Variants in FBXL17 observed in about 807,000 individuals in gnomAD.
FBXL17 encodes the protein F-box and leucine rich repeat protein 17.
A neutral mutation model predicts 66.2 loss-of-function variants in FBXL17; 22 were observed. The ratio of observed to expected loss-of-function variants is 0.33; its 90% CI spans 0.24 to 0.47. The LOEUF (loss-of-function observed/expected upper bound fraction) is 0.47. Ranked by LOEUF, FBXL17 falls within the 20% of genes least tolerant of loss-of-function variation. The pLI, the probability that FBXL17 is intolerant of heterozygous loss-of-function variation, is 1.00. For synonymous variants in FBXL17, 474 were observed against 400.5 expected (o/e 1.18, Z -2.19); for missense variants, 878 against 948.2 (o/e 0.93, Z 0.97).
chr5:107,910,621 T>C (rs1749919364), intron 7 of FBXL17, among the ~76,000 whole-genome samples: 1 of 152,136 alleles, frequency 6.6e-6, no homozygotes, highest in African/African-American at 2.4e-5. Context: ...ATGATCAGGA[T>C]TTCCAAAGGA....
intron 7 of FBXL17, among the ~76,000 whole-genome samples, chr5:107,969,509 T>A (rs1293345256): frequency 1.3e-5 from 2 of 152,152 alleles, no homozygotes; most frequent in Non-Finnish European, 2.9e-5. Context: ...GAAGTTGAAA[T>A]CCCAAAATTA....
chr5:108,186,369 G>C (rs1488319952), intron 5 of FBXL17, 122 bp from the exon 6 acceptor site: 2 of 707,618 alleles, frequency 2.8e-6, no homozygotes, highest in East Asian at 5.6e-5. Context: ...AGATAGGCTA[G>C]AATCTTTTAA....
Position 108,163,074 on chromosome 5 carries a change from A to G in FBXL17, c.1745+23043T>C, listed in dbSNP as rs1209815847. Among the ~76,000 whole-genome samples the G allele has an allele frequency of 2.6e-5, 4 of 152,328 alleles. No individual in the cohort carries two copies. In the East Asian group the frequency reaches 7.7e-4, roughly 29 times the overall value. On this transcript the variant is annotated intron_variant, in intron 6 of 8. Transcript: ENST00000542267. ...CTACATCAGAAAAAAGTCATCTAGT[A>G]CCATTATGATTCAGAGCATAAATTT...
At chr5:108,076,884 C>G (rs866705802) in intron 6 of FBXL17, among the ~76,000 whole-genome samples, 2 of 152,132 alleles carry the variant, frequency 1.3e-5, no homozygotes, top group Non-Finnish European at 1.5e-5. Context: ...ACTGGAATGG[C>G]ACATATTCAA....
At chr5:108,057,048 A>G (rs1230447454) in intron 6 of FBXL17, among the ~76,000 whole-genome samples, 3 of 152,116 alleles carry the variant, frequency 2.0e-5, no homozygotes, top group South Asian at 2.1e-4. Flanking sequence ...AAAAGCATCC[A>G]AAAGCATTTT....
At chr5:108,279,553 GAAAA>G (rs74272808) in intron 4 of FBXL17, among the ~76,000 whole-genome samples, 32 of 138,004 alleles carry the variant, frequency 2.3e-4, no homozygotes, top group African/African-American at 8.0e-4. Flanking sequence ...ACATCTTCAG[GAAAA>G]AAAAAAAAAG....
intron 4 of FBXL17, among the ~76,000 whole-genome samples, chr5:108,306,745 C>G (rs1758859979): frequency 6.6e-6 from 1 of 151,922 alleles, no homozygotes; most frequent in African/African-American, 2.4e-5. Context: ...CCACAGAACA[C>G]AGAGTCATAT....
intron 7 of FBXL17, among the ~76,000 whole-genome samples, chr5:107,988,808 C>T (rs1753118103): frequency 1.3e-5 from 2 of 152,024 alleles, no homozygotes; most frequent in African/African-American, 4.8e-5. Flanking sequence ...ATGCAAGTAA[C>T]TGCCCACGCT....
At chr5:108,006,061 G>C (rs995438227) in intron 7 of FBXL17, among the ~76,000 whole-genome samples, 2 of 152,214 alleles carry the variant, frequency 1.3e-5, no homozygotes, top group South Asian at 2.1e-4. Flanking sequence ...GCCAAGGGTG[G>C]CCTATGGTGG....
At chr5:108,339,958 A>G (rs1011334422) in intron 4 of FBXL17, among the ~76,000 whole-genome samples, 4 of 152,166 alleles carry the variant, frequency 2.6e-5, no homozygotes, top group Non-Finnish European at 4.4e-5. Context: ...CTGGGTAAAA[A>G]ATAATGCATT....
At chr5:107,917,989 T>A (rs1248770990) in intron 7 of FBXL17, among the ~76,000 whole-genome samples, 1 of 152,218 alleles carries the variant, frequency 6.6e-6, no homozygotes, top group African/African-American at 2.4e-5. Flanking sequence ...TATTACAGAA[T>A]CAGGACAGAA....
chr5:108,301,936 T>C (rs1425099037), intron 4 of FBXL17: 2 of 622,650 alleles, frequency 3.2e-6, no homozygotes, highest in Non-Finnish European at 4.0e-6. Flanking sequence ...GAGATATATG[T>C]ATTGATAAGC....
intron 3 of FBXL17, among the ~76,000 whole-genome samples, chr5:108,352,398 C>T (rs1747709504): frequency 6.6e-6 from 1 of 152,224 alleles, no homozygotes; most frequent in Admixed American, 6.5e-5. Flanking sequence ...CACAGAAAAA[C>T]ATTCAGAGGG....
chr5:108,162,791 A>G (rs1044945313), intron 6 of FBXL17, among the ~76,000 whole-genome samples: 4 of 152,160 alleles, frequency 2.6e-5, no homozygotes, highest in Admixed American at 2.6e-4. Flanking sequence ...TAATATATAT[A>G]TAACATTTGG....
chr5:108,381,978 G>C lies in FBXL17; in HGVS notation c.-287C>G. 8.2e-7 allele frequency: 1 copy of C among 1,216,692 alleles called. No individual in the cohort carries two copies. The highest frequency in any genetic ancestry group is 1.0e-6 in the Non-Finnish European group (1 of 975,542). 75.4% of individuals were successfully genotyped at this position (1,216,692 alleles called of 1,614,324 possible). A position where few individuals can be genotyped will look rare whatever the true frequency, so the allele number is the denominator to read the frequency against. On this transcript the variant is annotated 5_prime_UTR_variant, in exon 1 of 9. Coordinates refer to ENST00000542267, the MANE Select transcript of FBXL17 (RefSeq NM_001163315.3). ...GGGAGCGAGCGAGCCTGCCGGCTAG[G>C]CGACCAGTCCGGGCCCGGCCAGCCG...
At chr5:108,308,619 T>G (rs1265262228) in intron 4 of FBXL17, among the ~76,000 whole-genome samples, 1 of 152,146 alleles carries the variant, frequency 6.6e-6, no homozygotes, top group African/African-American at 2.4e-5. Context: ...TTCCACAAAA[T>G]AGCTTAATTA....
chr5:107,877,798 A>C (rs901663108), intron 8 of FBXL17, among the ~76,000 whole-genome samples: 1 of 152,154 alleles, frequency 6.6e-6, no homozygotes, highest in Admixed American at 6.5e-5. Context: ...GGTGGTTAGC[A>C]GATTTGGTTA....
intron 6 of FBXL17, among the ~76,000 whole-genome samples, chr5:108,168,959 A>G (rs995430195): frequency 6.6e-6 from 1 of 152,236 alleles, no homozygotes; most frequent in Non-Finnish European, 1.5e-5. Flanking sequence ...CCCATAAACA[A>G]CAGGAGTGTA....
At chr5:107,871,841 A>G (rs1748466832) in intron 8 of FBXL17, among the ~76,000 whole-genome samples, 1 of 152,186 alleles carries the variant, frequency 6.6e-6, no homozygotes, top group Non-Finnish European at 1.5e-5. Context: ...TATGGAACAC[A>G]TCTGGGTATT....
Sources: allele counts gnomAD v4.1 joint callset (sites outside exome capture counted in the v4.1 genomes callset), GRCh38; gene constraint gnomAD v4.1.1; transcripts MANE v1.5; gene names NCBI Gene and HGNC (gene_info 2026-07-23, HGNC 2026-07-21).